ITGB5: variants seen among roughly 807,000 people sequenced by gnomAD.
The protein encoded by ITGB5 is integrin beta-5.
Under a neutral mutation model 84.8 loss-of-function variants are expected in ITGB5, and 38 were observed. That is an observed-to-expected ratio of 0.45 (90% CI 0.35 to 0.59). ITGB5 has a LOEUF of 0.59. ITGB5 is among the 20% of genes least tolerant of loss of function. The probability of loss-of-function intolerance (pLI) is 0.01; values close to 1 mark genes in which losing one functional copy is unlikely to be tolerated. For synonymous variants in ITGB5, 393 were observed against 414.4 expected (o/e 0.95, Z 0.63); for missense variants, 905 against 1,034.5 (o/e 0.87, Z 1.72).
chr3:124,877,544 C>T (rs1934382197), intron 1 of ITGB5, among the ~76,000 whole-genome samples: 1 of 152,126 alleles, frequency 6.6e-6, no homozygotes, highest in Admixed American at 6.5e-5. Flanking sequence ...GAGATTATAG[C>T]ACCTTGGGGC....
intron 5 of ITGB5, among the ~76,000 whole-genome samples, chr3:124,825,196 CAAA>C (rs532997344): frequency 2.5e-5 from 2 of 79,232 alleles, no homozygotes; most frequent in Non-Finnish European, 2.8e-5. Flanking sequence ...GACTCCGTCT[CAAA>C]AAAAAAAAAA....
chr3:124,764,653 T>G, intron 13 of ITGB5, 96 bp from the exon 14 acceptor site: 1 of 1,214,272 alleles, frequency 8.2e-7, no homozygotes, highest in Non-Finnish European at 1.1e-6. Flanking sequence ...TTGCACCCCT[T>G]CCAAAGGCCT....
At chr3:124,773,952 T>C in intron 10 of ITGB5, 40 bp from the exon 11 acceptor site, 1 of 1,563,060 alleles carries the variant, frequency 6.4e-7, no homozygotes, top group Non-Finnish European at 8.8e-7. Flanking sequence ...CTGCTCACCT[T>C]TACACATGAG....
intron 1 of ITGB5, among the ~76,000 whole-genome samples, chr3:124,883,471 A>G (rs992068836): frequency 4.6e-5 from 7 of 152,136 alleles, no homozygotes; most frequent in African/African-American, 1.7e-4. Flanking sequence ...TACAGACCAA[A>G]CCCACTGTTT....
chr3:124,805,004 T>C (rs1465145239), intron 9 of ITGB5, among the ~76,000 whole-genome samples: 1 of 151,810 alleles, frequency 6.6e-6, no homozygotes, highest in East Asian at 1.9e-4. Flanking sequence ...TTTCTTTTTC[T>C]TTCTTCTTCC....
chr3:124,880,170 A>T (rs1934505960), intron 1 of ITGB5, among the ~76,000 whole-genome samples: 1 of 152,216 alleles, frequency 6.6e-6, no homozygotes, highest in Non-Finnish European at 1.5e-5. Context: ...AGACTGAGAA[A>T]CTGTCACAGC....
At chr3:124,837,076 T>G (rs1260636534) in intron 5 of ITGB5, among the ~76,000 whole-genome samples, 2 of 152,212 alleles carry the variant, frequency 1.3e-5, no homozygotes, top group Non-Finnish European at 2.9e-5. Flanking sequence ...GCAGCCAGCA[T>G]GTACCCAGCC....
Position 124,796,407 on chromosome 3 carries a change from G to A in ITGB5, c.1674C>T (p.Asn558=). The change falls in exon 10 of 15, where the codon AAC becomes AAT. Residue 558 remains asparagine (N), a synonymous_variant. Coordinates refer to ENST00000296181, the MANE Select transcript of ITGB5 (RefSeq NM_002213.5). ...CECDNFSCAR[N]KGVLCSGHGE... ...ACTTACCTGAGCAGAGGACTCCCTTGTTCCTGGCACAGGAGAAGTTGTCGC... is the reference window on the plus strand; with the variant it reads ...ACTTACCTGAGCAGAGGACTCCCTTATTCCTGGCACAGGAGAAGTTGTCGC... 1 of 1,612,346 alleles carries A rather than the reference G, an allele frequency of 6.2e-7. No individual in the cohort carries two copies.
intron 5 of ITGB5, among the ~76,000 whole-genome samples, chr3:124,835,496 C>T (rs1189409693): frequency 6.6e-6 from 1 of 152,212 alleles, no homozygotes; most frequent in Non-Finnish European, 1.5e-5. Context: ...TGGTGCTTCC[C>T]CAAAGACACG....
At chr3:124,858,506 C>T (rs1247468780) in intron 3 of ITGB5, among the ~76,000 whole-genome samples, 1 of 152,120 alleles carries the variant, frequency 6.6e-6, no homozygotes. Flanking sequence ...TGTTCACTGA[C>T]AAATGAATAA....
In ITGB5 at chr3:124,887,048, G is replaced by A; in HGVS notation, c.-48C>T. The A allele has an allele frequency of 2.2e-6, 2 of 919,960 alleles. No homozygotes were observed. The highest frequency in any genetic ancestry group is 2.6e-6 in the Non-Finnish European group (2 of 758,042). 57.0% of individuals were successfully genotyped at this position (919,960 alleles called of 1,614,324 possible). A position where few individuals can be genotyped will look rare whatever the true frequency, so the allele number is the denominator to read the frequency against. On this transcript the variant is annotated 5_prime_UTR_variant, in exon 1 of 15. Coordinates refer to ENST00000296181, the MANE Select transcript of ITGB5 (RefSeq NM_002213.5). ...CGGCGCGGTCGCTGCACTCCGCGGG[G>A]GCCGGCGGCCGGGGCTGGGGCCGGA...
intron 5 of ITGB5, among the ~76,000 whole-genome samples, chr3:124,830,739 T>C (rs1323749067): frequency 6.6e-6 from 1 of 152,258 alleles, no homozygotes; most frequent in East Asian, 1.9e-4. Flanking sequence ...ATCCTAGCCC[T>C]TTGGGAGGCC....
intron 3 of ITGB5, among the ~76,000 whole-genome samples, chr3:124,853,672 G>A (rs1424079598): frequency 6.6e-6 from 1 of 152,038 alleles, no homozygotes; most frequent in East Asian, 1.9e-4. Flanking sequence ...GAGAAGGGAG[G>A]AAAAAAATAG....
intron 5 of ITGB5, among the ~76,000 whole-genome samples, chr3:124,832,064 AGT>A (rs1305268658): frequency 5.9e-5 from 9 of 152,244 alleles, no homozygotes; most frequent in African/African-American, 1.9e-4. Flanking sequence ...GGGCTGATAG[AGT>A]CACATGATAA....
chr3:124,857,427 G>A (rs1446151070), intron 3 of ITGB5: 2 of 152,262 alleles, frequency 1.3e-5, no homozygotes, highest in African/African-American at 4.8e-5. Context: ...AAGATGCTGA[G>A]AGATGGAGTA....
intron 4 of ITGB5, among the ~76,000 whole-genome samples, chr3:124,847,597 T>C (rs1179946321): frequency 2.0e-5 from 3 of 152,174 alleles, no homozygotes; most frequent in Admixed American, 6.5e-5. Flanking sequence ...TTAGGAGCCA[T>C]GTGTGGAAGA....
upstream of ITGB5, among the ~76,000 whole-genome samples, chr3:124,890,823 T>G (rs1401452176): frequency 6.6e-6 from 1 of 152,228 alleles, no homozygotes; most frequent in African/African-American, 2.4e-5. Context: ...ATGCCTTTGC[T>G]CTGAGCTTTT....
At chr3:124,794,812 G>A (rs1262322775) in intron 10 of ITGB5, among the ~76,000 whole-genome samples, 2 of 151,078 alleles carry the variant, frequency 1.3e-5, no homozygotes, top group Admixed American at 6.6e-5. Flanking sequence ...AAGAAAGAGA[G>A]AGAGAGAGGA....
At chr3:124,848,641 T>C (rs1009802562) in intron 3 of ITGB5, 83 bp from the exon 4 acceptor site, 55 of 1,461,036 alleles carry the variant, frequency 3.8e-5, no homozygotes, top group Non-Finnish European at 4.8e-5. Context: ...TCAAAGCTAG[T>C]TTGCCTCTTA....
Sources: allele counts gnomAD v4.1 joint callset (sites outside exome capture counted in the v4.1 genomes callset), GRCh38; gene constraint gnomAD v4.1.1; transcripts MANE v1.5; gene names NCBI Gene and HGNC (gene_info 2026-07-23, HGNC 2026-07-21).